MARCHF1: variants seen among roughly 807,000 people sequenced by gnomAD.
The protein encoded by MARCHF1 is membrane associated ring-CH-type finger 1.
In MARCHF1, 40 loss-of-function variants were observed where a neutral mutation model predicts 54.2. The observed-to-expected ratio is 0.74, with a 90% CI of 0.57 to 0.96. MARCHF1 has a LOEUF of 0.96. Ranked by LOEUF, MARCHF1 falls within the 40% of genes least tolerant of loss-of-function variation. The probability of loss-of-function intolerance (pLI) is 0.00; values close to 1 mark genes in which losing one functional copy is unlikely to be tolerated. For missense variants in MARCHF1, 586 were observed against 656.5 expected, an observed-to-expected ratio of 0.89 and a Z score of 1.17; for synonymous variants, 236 against 236.3, an observed-to-expected ratio of 1.00 and a Z score of 0.01.
intron 5 of MARCHF1, among the ~76,000 whole-genome samples, chr4:163,619,299 C>T (rs1741605815): frequency 6.6e-6 from 1 of 152,078 alleles, no homozygotes; most frequent in South Asian, 2.1e-4. Context: ...AAGCAAAGAG[C>T]AGAGTTAGGA....
At chr4:163,700,952 G>A (rs759420045) in intron 4 of MARCHF1, 89 bp from the exon 5 acceptor site, 362 of 826,978 alleles carry the variant, frequency 4.4e-4, no homozygotes, top group Non-Finnish European at 6.3e-4. Context: ...ACAGCACAAG[G>A]AAATCTGTGA....
intron 3 of MARCHF1, among the ~76,000 whole-genome samples, chr4:163,947,790 A>G (rs1752053478): frequency 6.6e-6 from 1 of 152,230 alleles, no homozygotes; most frequent in South Asian, 2.1e-4. Flanking sequence ...CTTTGAGGTA[A>G]CGTAGCTTCC....
chr4:164,131,209 C>A (rs908713662), intron 1 of MARCHF1, among the ~76,000 whole-genome samples: 14 of 152,092 alleles, frequency 9.2e-5, no homozygotes, highest in African/African-American at 3.1e-4. Flanking sequence ...ATGAACTCAA[C>A]TGGGAGACAT....
At chr4:164,117,884 G>T (rs904961195) in intron 1 of MARCHF1, among the ~76,000 whole-genome samples, 1 of 151,992 alleles carries the variant, frequency 6.6e-6, no homozygotes, top group Admixed American at 6.6e-5. Flanking sequence ...GGGTGACAGA[G>T]CAAGACTCCA....
chr4:163,725,884 A>G (rs1745637632), intron 4 of MARCHF1, among the ~76,000 whole-genome samples: 1 of 152,254 alleles, frequency 6.6e-6, no homozygotes, highest in East Asian at 1.9e-4. Context: ...AATTTTTACT[A>G]AACAACTATG....
At chr4:164,189,490 C>A in intron 1 of MARCHF1, 1 of 725,836 alleles carries the variant, frequency 1.4e-6, no homozygotes, top group Non-Finnish European at 2.5e-6. Flanking sequence ...AAAGATTCAG[C>A]AACTGGTTAA....
intron 3 of MARCHF1, among the ~76,000 whole-genome samples, chr4:163,923,356 T>C (rs1432784872): frequency 6.6e-6 from 1 of 152,152 alleles, no homozygotes; most frequent in Non-Finnish European, 1.5e-5. Flanking sequence ...CAGTTCCCTG[T>C]AAGTATTTCT....
rs1348720498 is a variant in MARCHF1, at chr4:164,102,025, T to C, written c.-248+9563A>G. ...AAGAAAGGGTATCAGCAATGGAAGA[T>C]GAAATGAATGAAATGAAACGAGAAG... On this transcript the variant is annotated intron_variant, in intron 2 of 9. Transcript: ENST00000514618. Among the ~76,000 whole-genome samples the C allele has an allele frequency of 3.2e-5, 3 of 92,464 alleles. 1 individual carries two copies. Among genetic ancestry groups the C allele is most frequent in the East Asian group, 4.8e-4 (2 of 4,208 alleles). 60.7% of individuals were successfully genotyped at this position (92,464 alleles called of 152,430 possible).
At chr4:163,865,427 C>T (rs538378293) in intron 3 of MARCHF1, among the ~76,000 whole-genome samples, 29 of 151,866 alleles carry the variant, frequency 1.9e-4, no homozygotes, top group African/African-American at 6.8e-4. Context: ...ACTTTGTAAT[C>T]CAACCCAGGG....
At chr4:163,544,807 A>AC (rs1738841367) in intron 9 of MARCHF1, among the ~76,000 whole-genome samples, 1 of 152,106 alleles carries the variant, frequency 6.6e-6, no homozygotes, top group African/African-American at 2.4e-5. Flanking sequence ...TACTATCTGA[A>AC]CAATGTCTTT....
At chr4:163,965,927 C>G (rs577680796) in intron 3 of MARCHF1, among the ~76,000 whole-genome samples, 1 of 152,024 alleles carries the variant, frequency 6.6e-6, no homozygotes, top group Non-Finnish European at 1.5e-5. Context: ...TTCATTTGTG[C>G]CTCTCACAAT....
At chr4:163,757,509 C>T (rs571699324) in intron 4 of MARCHF1, among the ~76,000 whole-genome samples, 31 of 152,166 alleles carry the variant, frequency 2.0e-4, no homozygotes, top group African/African-American at 6.0e-4. Flanking sequence ...TTTTTTATAT[C>T]CTAAGGATGC....
intron 1 of MARCHF1, among the ~76,000 whole-genome samples, chr4:164,186,659 C>T (rs1379979374): frequency 6.6e-6 from 1 of 152,190 alleles, no homozygotes; most frequent in African/African-American, 2.4e-5. Flanking sequence ...TTCTTAGTGA[C>T]AGAAGCTCAC....
intron 3 of MARCHF1, among the ~76,000 whole-genome samples, chr4:163,893,341 G>A (rs188460955): frequency 2.2e-4 from 33 of 152,206 alleles, no homozygotes; most frequent in African/African-American, 7.7e-4. Context: ...GTTTCACCAT[G>A]TTGGCCAGAA....
intron 4 of MARCHF1, among the ~76,000 whole-genome samples, chr4:163,782,771 T>C (rs749173154): frequency 6.7e-6 from 1 of 148,214 alleles, no homozygotes; most frequent in Non-Finnish European, 1.5e-5. Flanking sequence ...AAGGTGAGAG[T>C]AGGCTGCAAA....
At chr4:164,009,048 A>C (rs936663512) in intron 2 of MARCHF1, among the ~76,000 whole-genome samples, 6 of 152,062 alleles carry the variant, frequency 3.9e-5, no homozygotes, top group African/African-American at 1.4e-4. Context: ...AAATTAAAAA[A>C]TTGGTGAGCC....
At chr4:163,670,218 G>A (rs1243594914) in intron 5 of MARCHF1, among the ~76,000 whole-genome samples, 3 of 151,910 alleles carry the variant, frequency 2.0e-5, no homozygotes, top group Non-Finnish European at 4.4e-5. Context: ...GTTTGATAAG[G>A]GTTTTTCTAA....
At chr4:163,534,375 A>C (rs1051003680) in intron 9 of MARCHF1, among the ~76,000 whole-genome samples, 1 of 152,026 alleles carries the variant, frequency 6.6e-6, no homozygotes, top group Admixed American at 6.6e-5. Context: ...AATTCCCTAC[A>C]TCGTAGTCCA....
At chr4:163,569,703 TC>T (rs1458806587) in intron 8 of MARCHF1, among the ~76,000 whole-genome samples, 1 of 152,136 alleles carries the variant, frequency 6.6e-6, no homozygotes. Context: ...CAGCTCAAGA[TC>T]TTAATCACTA....
Sources: allele counts gnomAD v4.1 joint callset (sites outside exome capture counted in the v4.1 genomes callset), GRCh38; gene constraint gnomAD v4.1.1; transcripts MANE v1.5; gene names NCBI Gene and HGNC (gene_info 2026-07-23, HGNC 2026-07-21).